FUT8: variants seen among roughly 807,000 people sequenced by gnomAD.
The protein encoded by FUT8 is fucosyltransferase 8.
In FUT8, 29 loss-of-function variants were observed where a neutral mutation model predicts 71.3. That is an observed-to-expected ratio of 0.41 (90% CI 0.30 to 0.55). FUT8 has a LOEUF of 0.55. Ranked by LOEUF, FUT8 falls within the 20% of genes least tolerant of loss-of-function variation. The pLI, the probability that FUT8 is intolerant of heterozygous loss-of-function variation, is 0.34. For missense variants in FUT8, 544 were observed against 702.1 expected, an observed-to-expected ratio of 0.77 and a Z score of 2.55; for synonymous variants, 254 against 239.3, an observed-to-expected ratio of 1.06 and a Z score of -0.57.
intron 3 of FUT8, among the ~76,000 whole-genome samples, chr14:65,590,896 T>C (rs1887650405): frequency 6.6e-6 from 1 of 152,204 alleles, no homozygotes; most frequent in African/African-American, 2.4e-5. Context: ...TTCTGTACTT[T>C]GGGAATTTTA....
At chr14:65,625,829 C>T (rs189868058) in intron 5 of FUT8, among the ~76,000 whole-genome samples, 12 of 152,290 alleles carry the variant, frequency 7.9e-5, no homozygotes, top group African/African-American at 2.4e-4. Flanking sequence ...GCTATTATCA[C>T]GTATTCTCTG....
chr14:65,740,812 C>A (rs576885575), intron 10 of FUT8, among the ~76,000 whole-genome samples: 2 of 151,992 alleles, frequency 1.3e-5, no homozygotes, highest in Non-Finnish European at 2.9e-5. Flanking sequence ...CCATCTCCAA[C>A]ATTGGGGATT....
At chr14:65,600,598 T>G (rs4516142) in intron 3 of FUT8, among the ~76,000 whole-genome samples, 9,730 of 152,204 alleles carry the variant, frequency 0.064, 577 homozygotes, top group African/African-American at 0.15. Flanking sequence ...TGTTAAAATA[T>G]ATAAAACATT....
chr14:65,726,020 A>G (rs528776570), intron 9 of FUT8, among the ~76,000 whole-genome samples: 8 of 152,222 alleles, frequency 5.3e-5, no homozygotes, highest in Non-Finnish European at 1.2e-4. Flanking sequence ...GCGTGCACAC[A>G]CACACACACT....
At chr14:65,623,706 A>T (rs577575905) in intron 5 of FUT8, among the ~76,000 whole-genome samples, 2 of 152,260 alleles carry the variant, frequency 1.3e-5, no homozygotes, top group South Asian at 2.1e-4. Flanking sequence ...CGACAGAGAG[A>T]GACTCTGTCT....
chr14:65,412,770 C>T lies in FUT8; in HGVS notation c.-770C>T, dbSNP rs1222629765. On this transcript the variant is annotated 5_prime_UTR_variant, in exon 1 of 11. Transcript: ENST00000673929. ...CCGGCGCTGGCCGAGGCTTCCCCGC[C>T]TGCGCTCGTTGTCAGAGCCGCTCCG... is the stretch of plus-strand genomic sequence containing the variant. 5.9e-6 allele frequency: 1 copy of T among 168,792 alleles called. No homozygotes were observed. The highest frequency in any genetic ancestry group is 1.3e-5 in the Non-Finnish European group (1 of 78,850). 10.5% of individuals were successfully genotyped at this position (168,792 alleles called of 1,614,324 possible).
At chr14:65,633,153 C>G (rs1353254654) in intron 6 of FUT8, among the ~76,000 whole-genome samples, 3 of 152,084 alleles carry the variant, frequency 2.0e-5, no homozygotes, top group South Asian at 2.1e-4. Context: ...CGAGTGCCTG[C>G]GATTGCAGGC....
At chr14:65,677,144 G>GTC (rs1892765917) in intron 7 of FUT8, among the ~76,000 whole-genome samples, 1 of 114,882 alleles carries the variant, frequency 8.7e-6, no homozygotes, top group Non-Finnish European at 1.9e-5. Flanking sequence ...GTGTGTGTGT[G>GTC]TGTGTGTGCG....
At chr14:65,431,497 G>A (rs1289117923) in intron 1 of FUT8, among the ~76,000 whole-genome samples, 1 of 151,376 alleles carries the variant, frequency 6.6e-6, no homozygotes, top group African/African-American at 2.4e-5. Flanking sequence ...TTTTTTTGTA[G>A]AGGCTGGGTT....
chr14:65,390,662 C>T, the FUT8 span, among the ~76,000 whole-genome samples: 6 of 151,442 alleles, frequency 4.0e-5, no homozygotes, highest in African/African-American at 1.5e-4. Flanking sequence ...ACCACACCCA[C>T]TTTTACTACT....
intron 1 of FUT8, among the ~76,000 whole-genome samples, chr14:65,441,864 A>ATG (rs1341677376): frequency 6.7e-6 from 1 of 149,760 alleles, no homozygotes; most frequent in African/African-American, 2.5e-5. Context: ...TTTGTTACAT[A>ATG]TGTATACATG....
At chr14:65,439,954 GTATATATATATATATATATATATATA>G (rs60534547) in intron 1 of FUT8, among the ~76,000 whole-genome samples, 3 of 74,974 alleles carry the variant, frequency 4.0e-5, no homozygotes, top group African/African-American at 5.1e-5. Flanking sequence ...GTGTGTGTGT[GTATATATATATATATATATATATATA>G]TATATATATA....
intron 2 of FUT8, among the ~76,000 whole-genome samples, chr14:65,485,404 C>G (rs1232909781): frequency 6.6e-6 from 1 of 152,058 alleles, no homozygotes; most frequent in African/African-American, 2.4e-5. Flanking sequence ...TTGAGGCTTG[C>G]TTTTATGATT....
intron 6 of FUT8, among the ~76,000 whole-genome samples, chr14:65,665,609 T>A (rs928155132): frequency 2.6e-5 from 4 of 152,172 alleles, no homozygotes; most frequent in Non-Finnish European, 4.4e-5. Flanking sequence ...TATAAATCAT[T>A]CTACCGTAAA....
intron 7 of FUT8, among the ~76,000 whole-genome samples, chr14:65,684,658 G>A (rs1198922601): frequency 6.6e-6 from 1 of 152,180 alleles, no homozygotes; most frequent in Non-Finnish European, 1.5e-5. Context: ...CCTGATGGAA[G>A]GTGATTGAAT....
chr14:65,398,638 A>C, the FUT8 span, among the ~76,000 whole-genome samples: 1 of 152,008 alleles, frequency 6.6e-6, no homozygotes, highest in South Asian at 2.1e-4. Flanking sequence ...TGGGAAGCTG[A>C]GGCAGGAGAA....
chr14:65,410,527 T>C (rs1021120389), upstream of FUT8: 61 of 151,796 alleles, frequency 4.0e-4, no homozygotes, highest in African/African-American at 1.4e-3. Flanking sequence ...TATATTATAC[T>C]GTTCTATACA....
intron 5 of FUT8, among the ~76,000 whole-genome samples, chr14:65,625,001 G>C (rs1594831208): frequency 6.6e-6 from 1 of 152,080 alleles, no homozygotes; most frequent in Non-Finnish European, 1.5e-5. Context: ...GGGAGGCGGA[G>C]GTTGCAGTGA....
intron 1 of FUT8, among the ~76,000 whole-genome samples, chr14:65,415,294 G>A (rs764701405): frequency 8.5e-5 from 13 of 152,130 alleles, no homozygotes; most frequent in Non-Finnish European, 1.9e-4. Context: ...AAAAGAGTAG[G>A]AAATTGATGT....
Sources: allele counts gnomAD v4.1 joint callset (sites outside exome capture counted in the v4.1 genomes callset), GRCh38; gene constraint gnomAD v4.1.1; transcripts MANE v1.5; gene names NCBI Gene and HGNC (gene_info 2026-07-23, HGNC 2026-07-21).